The following GFM2 variants were observed in gnomAD, a reference collection of about 807,000 sequenced individuals.
GFM2 encodes the protein GTP dependent ribosome recycling factor mitochondrial 2, also known as ribosome-releasing factor 2, mitochondrial.
In GFM2, 72 loss-of-function variants were observed where a neutral mutation model predicts 95.4. The ratio of observed to expected loss-of-function variants is 0.76; its 90% CI spans 0.62 to 0.92. GFM2 has a LOEUF of 0.92. GFM2 is among the 40% of genes least tolerant of loss of function. GFM2 has a pLI of 0.00. For synonymous variants in GFM2, 276 were observed against 317.5 expected (o/e 0.87, Z 1.39); for missense variants, 825 against 924.1 (o/e 0.89, Z 1.39).
intron 17 of GFM2, among the ~76,000 whole-genome samples, chr5:74,728,964 G>C (rs1192294118): frequency 6.6e-6 from 1 of 151,874 alleles, no homozygotes; most frequent in African/African-American, 2.4e-5. Flanking sequence ...ATATTGGCCA[G>C]GCTGGTCTCG....
intron 7 of GFM2, among the ~76,000 whole-genome samples, chr5:74,748,914 A>T (rs11738560): frequency 0.041 from 4,508 of 111,284 alleles, 252 homozygotes; most frequent in African/African-American, 0.14. Context: ...TAAAATAAAA[A>T]AATAAAAAAA....
chr5:74,760,533 A>C (rs1744224940), intron 3 of GFM2, among the ~76,000 whole-genome samples: 1 of 152,344 alleles, frequency 6.6e-6, no homozygotes, highest in African/African-American at 2.4e-5. Context: ...AATCCTCAAA[A>C]TAAATTATTC....
At chr5:74,742,172 C>T (rs925017460) in intron 10 of GFM2, among the ~76,000 whole-genome samples, 3 of 151,486 alleles carry the variant, frequency 2.0e-5, no homozygotes, top group Non-Finnish European at 2.9e-5. Context: ...TCCGACTATA[C>T]GAAATGGGAT....
intron 8 of GFM2, among the ~76,000 whole-genome samples, chr5:74,746,857 T>A (rs1002958848): frequency 3.3e-5 from 5 of 152,098 alleles, no homozygotes; most frequent in African/African-American, 1.2e-4. Flanking sequence ...TAGTACATTT[T>A]AAAGGTTGCT....
At chr5:74,754,412 A>ATCTT (rs1461337942) in intron 5 of GFM2, among the ~76,000 whole-genome samples, 5 of 152,152 alleles carry the variant, frequency 3.3e-5, no homozygotes, top group Non-Finnish European at 7.4e-5. Flanking sequence ...CACTTAAAAG[A>ATCTT]TAAAGAATGG....
intron 15 of GFM2, chr5:74,733,345 A>AG (rs1742672759): frequency 2.9e-6 from 1 of 342,898 alleles, no homozygotes; most frequent in Admixed American, 4.3e-5. Flanking sequence ...GAAAAAAAAA[A>AG]AAAGACAATT....
intron 2 of GFM2, among the ~76,000 whole-genome samples, chr5:74,763,398 A>G (rs1744382258): frequency 6.6e-6 from 1 of 152,244 alleles, no homozygotes; most frequent in African/African-American, 2.4e-5. Flanking sequence ...ACATTCTTAG[A>G]TATAAAACCC....
rs541430890 is a variant in GFM2 at position 74,722,126 on chromosome 5, G to GA, written c.2211+252dup. 3.9e-5 allele frequency among the ~76,000 whole-genome samples: 6 copies of GA among 152,120 alleles called. 1 individual carries two copies. The South Asian group carries it at 1.0e-3, about 26-fold the overall frequency. On this transcript the variant is annotated intron_variant, in intron 20 of 20. Transcript: ENST00000296805. ...GGAAGTAAGATAAATGCTTGGCAGGGAAAAAATGGTCATATAGGCTGGTAC... is the reference window on the plus strand; with the variant it reads ...GGAAGTAAGATAAATGCTTGGCAGGGAAAAAAATGGTCATATAGGCTGGTAC...
At position 74,737,068 on chromosome 5, in the gene GFM2, C is replaced by CT. The variant is rs1251289641; in HGVS notation, c.1321-84dup. The stretch of plus-strand genomic sequence containing the variant: ...CACCAAGAACCACAATATAAGAAAA[C>CT]TTTTTTGTGGCCCTTTCTTTTCATC... On this transcript the variant is annotated intron_variant, in intron 14 of 20. Transcript: ENST00000296805. 6.0e-6 allele frequency: 8 copies of CT among 1,324,880 alleles called. 1 individual carries two copies. The South Asian group carries it at 9.6e-5, about 16-fold the overall frequency. The allele number at this position is 1,324,880 out of a possible 1,614,324, so 82.1% of individuals were successfully genotyped here. A position where few individuals can be genotyped will look rare whatever the true frequency, so the allele number is the denominator to read the frequency against.
intron 10 of GFM2, among the ~76,000 whole-genome samples, chr5:74,742,794 G>A (rs1382916337): frequency 6.6e-6 from 1 of 152,050 alleles, no homozygotes; most frequent in African/African-American, 2.4e-5. Context: ...AGCCTCCTGA[G>A]TAGCTAGGAT....
intron 5 of GFM2, among the ~76,000 whole-genome samples, chr5:74,757,874 T>A (rs1403353614): frequency 6.6e-6 from 1 of 151,958 alleles, no homozygotes; most frequent in Non-Finnish European, 1.5e-5. Context: ...TCCATTTATA[T>A]GAGGTACCTA....
Position 74,745,785 on chromosome 5 carries a change from A to G in GFM2, c.742T>C (p.Cys248Arg), listed in dbSNP as rs1743353133. Residue 248 changes from cysteine (C) to arginine (R), a missense_variant, in exon 10 of 21, where the codon TGC becomes CGC. Cys to Arg is a radical substitution (Grantham distance 180). Transcript: ENST00000296805. Reference sequence around the variant, plus strand: ...AAGTCTTTTCCATCATTTGAATTGCAATTCCAAAGAAGTTTTTCTTTCATT... The same window carrying G: ...AAGTCTTTTCCATCATTTGAATTGCGATTCCAAAGAAGTTTTTCTTTCATT... ...VVMKEKLLWNCNSNDGKDFER... is the reference protein window; with the variant it reads ...VVMKEKLLWNRNSNDGKDFER... 2 of 1,613,658 alleles carry G rather than the reference A, an allele frequency of 1.2e-6. No homozygotes were observed. The highest frequency in any genetic ancestry group is 1.7e-6 in the Non-Finnish European group (2 of 1,179,854).
chr5:74,759,427 C>A lies in GFM2; in HGVS notation c.149-1G>T. On this transcript the variant is annotated splice_acceptor_variant, in intron 3 of 20. Coordinates refer to ENST00000296805, the MANE Select transcript of GFM2 (RefSeq NM_032380.5). LOFTEE classifies it high-confidence loss of function. Reference sequence around the variant, plus strand: ...GATTTGATATCATTTCCTATTAAGCCTAATGAAAAGAAAGTTAAAATTGAA... The same window carrying A: ...GATTTGATATCATTTCCTATTAAGCATAATGAAAAGAAAGTTAAAATTGAA... The A allele has an allele frequency of 6.7e-7, 1 of 1,483,676 alleles. No homozygotes were observed. Among genetic ancestry groups the A allele is most frequent in the South Asian group, 1.2e-5 (1 of 82,850 alleles). The allele number at this position is 1,483,676 out of a possible 1,614,324, so 91.9% of individuals were successfully genotyped here.
chr5:74,722,255 C>T, intron 20 of GFM2, 124 bp downstream of exon 20: 1 of 824,606 alleles, frequency 1.2e-6, no homozygotes, highest in East Asian at 2.5e-5. Context: ...TGAAACGAAA[C>T]TTAACATGTA....
chr5:74,730,296 A>G lies in GFM2; in HGVS notation c.1690T>C (p.Tyr564His). The change falls in exon 17 of 21, where the codon TAT becomes CAT. Residue 564 changes from tyrosine to histidine, a missense_variant. Coordinates refer to ENST00000296805, the MANE Select transcript of GFM2 (RefSeq NM_032380.5). Reference protein sequence around the residue: ...ETYLGPLQVAYRETILNSVRA... With the variant: ...ETYLGPLQVAHRETILNSVRA... ...ACTGAGTTTAGGATGGTCTCTCGAT[A>G]TGCCACCTGGAGAGGCCCGAGATAG... 6.2e-7 allele frequency: 1 copy of G among 1,612,488 alleles called. No individual in the cohort carries two copies. Among genetic ancestry groups the G allele is most frequent in the South Asian group, 1.1e-5 (1 of 90,766 alleles).
chr5:74,738,777 C>T (rs1370935423), intron 12 of GFM2, 135 bp from the exon 13 acceptor site: 6 of 714,832 alleles, frequency 8.4e-6, no homozygotes, highest in South Asian at 2.6e-5. Context: ...GTCTTTGTTA[C>T]GTAACTCTCT....
At chr5:74,751,657 A>G (rs1197017746) in intron 5 of GFM2, among the ~76,000 whole-genome samples, 164 bp from the exon 6 acceptor site, 1 of 152,232 alleles carries the variant, frequency 6.6e-6, no homozygotes, top group Non-Finnish European at 1.5e-5. Context: ...CTCATGGTAG[A>G]AAAAGTTTTT....
intron 5 of GFM2, among the ~76,000 whole-genome samples, chr5:74,752,855 G>A (rs934563327): frequency 6.6e-6 from 1 of 152,132 alleles, no homozygotes; most frequent in Non-Finnish European, 1.5e-5. Flanking sequence ...TTAGGGGAAG[G>A]AGGAGAGCCC....
At chr5:74,748,036 A>G (rs1273423890) in intron 7 of GFM2, among the ~76,000 whole-genome samples, 1 of 152,232 alleles carries the variant, frequency 6.6e-6, no homozygotes, top group East Asian at 1.9e-4. Context: ...TGGCCACACA[A>G]AGAGAATTAA....
Sources: gnomAD v4.1 joint callset for allele counts (sites outside exome capture counted in the v4.1 genomes callset) on GRCh38, gnomAD v4.1.1 for gene constraint, MANE v1.5 for transcripts, NCBI Gene and HGNC (gene_info 2026-07-23, HGNC 2026-07-21) for gene names.